BRINP1: variants seen among roughly 807,000 people sequenced by gnomAD.
The protein encoded by BRINP1 is BMP/retinoic acid-inducible neural-specific protein 1.
BRINP1 carries 17 observed loss-of-function variants against 72.9 expected under a neutral mutation model. The ratio of observed to expected loss-of-function variants is 0.23; its 90% CI spans 0.16 to 0.35. The LOEUF (loss-of-function observed/expected upper bound fraction) is 0.35, where lower values mean the gene tolerates loss of function less well. Ranked by LOEUF, BRINP1 falls within the 10% of genes least tolerant of loss-of-function variation. The probability of loss-of-function intolerance (pLI) is 1.00; values close to 1 mark genes in which losing one functional copy is unlikely to be tolerated. For synonymous variants in BRINP1, 418 were observed against 378.5 expected, an observed-to-expected ratio of 1.10 and a Z score of -1.21; for missense variants, 850 against 1,001.6, an observed-to-expected ratio of 0.85 and a Z score of 2.04.
intron 1 of BRINP1, among the ~76,000 whole-genome samples, chr9:119,366,251 G>A (rs1216606863): frequency 2.6e-5 from 4 of 151,988 alleles, no homozygotes; most frequent in Non-Finnish European, 1.5e-5. Context: ...AATGTCTAGG[G>A]GTGAGATTCT....
intron 7 of BRINP1, among the ~76,000 whole-genome samples, chr9:119,170,068 G>A (rs1829384490): frequency 6.6e-6 from 1 of 152,196 alleles, no homozygotes; most frequent in South Asian, 2.1e-4. Flanking sequence ...CTAAAAAGCA[G>A]AGCGCCTCTC....
At chr9:119,354,940 T>C (rs984873860) in intron 1 of BRINP1, among the ~76,000 whole-genome samples, 3 of 152,298 alleles carry the variant, frequency 2.0e-5, no homozygotes, top group African/African-American at 7.2e-5. Flanking sequence ...CAGGCCAAGA[T>C]TGAGCAAAAC....
intron 2 of BRINP1, among the ~76,000 whole-genome samples, chr9:119,255,971 A>G (rs1009837041): frequency 6.6e-6 from 1 of 150,948 alleles, no homozygotes; most frequent in Admixed American, 6.6e-5. Flanking sequence ...AAAAAAAAAA[A>G]AAAAAAAAAA....
chr9:119,234,695 G>A lies in BRINP1; in HGVS notation c.685+3960C>T, dbSNP rs545186673. Reference sequence around the variant, plus strand: ...TTTTTGCATCCTACTGAATAAAAATGAGCTCACTCAAAAATCATGAGATAA... The same window carrying A: ...TTTTTGCATCCTACTGAATAAAAATAAGCTCACTCAAAAATCATGAGATAA... On this transcript the variant is annotated intron_variant, in intron 5 of 7. Coordinates refer to ENST00000265922, the MANE Select transcript of BRINP1 (RefSeq NM_014618.3). 2.6e-5 allele frequency among the ~76,000 whole-genome samples: 4 copies of A among 151,886 alleles called. No individual in the cohort carries two copies. In the East Asian group the frequency reaches 7.7e-4, roughly 29 times the overall value.
chr9:119,325,195 T>C (rs1831227704), intron 1 of BRINP1, among the ~76,000 whole-genome samples: 1 of 152,162 alleles, frequency 6.6e-6, no homozygotes, highest in Admixed American at 6.5e-5. Flanking sequence ...GTGTTCATTA[T>C]AATTTGTATA....
chr9:119,240,539 G>A (rs1452184483), intron 4 of BRINP1, among the ~76,000 whole-genome samples: 2 of 152,146 alleles, frequency 1.3e-5, no homozygotes, highest in African/African-American at 4.8e-5. Flanking sequence ...ATCCCATCCA[G>A]CGAGGAGAGA....
At chr9:119,305,508 T>C (rs915182031) in intron 2 of BRINP1, among the ~76,000 whole-genome samples, 5 of 152,218 alleles carry the variant, frequency 3.3e-5, no homozygotes, top group African/African-American at 4.8e-5. Context: ...TGAAGACGTA[T>C]AGTTCCAGGC....
chr9:119,311,545 A>G (rs906386516), intron 2 of BRINP1, among the ~76,000 whole-genome samples: 1 of 152,168 alleles, frequency 6.6e-6, no homozygotes, highest in African/African-American at 2.4e-5. Flanking sequence ...ACTTTAATCA[A>G]TCCTTAGGTT....
At chr9:119,230,371 A>G (rs893008648) in intron 5 of BRINP1, among the ~76,000 whole-genome samples, 1 of 152,054 alleles carries the variant, frequency 6.6e-6, no homozygotes, top group Non-Finnish European at 1.5e-5. Context: ...GGCTTTAAGA[A>G]GATCACGCTG....
At chr9:119,198,748 T>G (rs1402894174) in intron 7 of BRINP1, among the ~76,000 whole-genome samples, 1 of 151,860 alleles carries the variant, frequency 6.6e-6, no homozygotes, top group East Asian at 1.9e-4. Flanking sequence ...CTTGGCTCAC[T>G]GCAATCTCCG....
chr9:119,256,224 A>G (rs563667103), intron 2 of BRINP1, among the ~76,000 whole-genome samples: 2 of 152,200 alleles, frequency 1.3e-5, no homozygotes, highest in Non-Finnish European at 2.9e-5. Flanking sequence ...TTAAACCATG[A>G]AAGCATCAAT....
chr9:119,313,184 C>T lies in BRINP1; in HGVS notation c.172G>A (p.Val58Met), dbSNP rs370723630. 1.5e-4 allele frequency: 247 copies of T among 1,614,126 alleles called. 2 individuals are homozygous for T. The Middle Eastern group carries it at 2.5e-3, about 16-fold the overall frequency. Residue 58 changes from valine to methionine, a missense_variant, in exon 2 of 8, where the codon GTG (valine) becomes ATG (methionine). Val to Met is a conservative substitution (Grantham distance 21). Coordinates refer to ENST00000265922, the MANE Select transcript of BRINP1 (RefSeq NM_014618.3). ...FHHSRSYLSF[V>M]ERHRQGFTTR... ...GTAAATCCTTGACGGTGTCTTTCCACAAAGGATAGGTAGCTCCTGGAGTGG... is the reference window on the plus strand; with the variant it reads ...GTAAATCCTTGACGGTGTCTTTCCATAAAGGATAGGTAGCTCCTGGAGTGG...
chr9:119,277,731 T>G (rs1830670995), intron 2 of BRINP1, among the ~76,000 whole-genome samples: 1 of 152,120 alleles, frequency 6.6e-6, no homozygotes, highest in Non-Finnish European at 1.5e-5. Context: ...ACAAAATATG[T>G]CATAACATTT....
In BRINP1 at chr9:119,181,292, C is replaced by G. The variant is rs563853442; in HGVS notation, c.1146-13068G>C. Among the ~76,000 whole-genome samples, 234 of 152,142 alleles carry G rather than the reference C, an allele frequency of 1.5e-3. 4 individuals are homozygous for G. Among genetic ancestry groups the G allele is most frequent in the Admixed American group, 0.015 (230 of 15,284 alleles). On this transcript the variant is annotated intron_variant, in intron 7 of 7. Coordinates refer to ENST00000265922, the MANE Select transcript of BRINP1 (RefSeq NM_014618.3). ...TACCCAGGGTCTAGTGGGCCTTAAC[C>G]CTGAAGTACAATAATGGTCATCTAG...
chr9:119,196,976 T>C (rs960594029), intron 7 of BRINP1, among the ~76,000 whole-genome samples: 23 of 152,244 alleles, frequency 1.5e-4, no homozygotes, highest in African/African-American at 5.3e-4. Context: ...CTCACTTCAG[T>C]GCAGCAAAGG....
At chr9:119,357,380 T>C (rs1359422205) in intron 1 of BRINP1, among the ~76,000 whole-genome samples, 1 of 152,226 alleles carries the variant, frequency 6.6e-6, no homozygotes, top group Non-Finnish European at 1.5e-5. Context: ...AAAGTGTTAC[T>C]GTTATGACTG....
intron 2 of BRINP1, among the ~76,000 whole-genome samples, chr9:119,263,698 C>T (rs1334053160): frequency 6.7e-6 from 1 of 150,036 alleles, no homozygotes; most frequent in Non-Finnish European, 1.5e-5. Context: ...AACTCCGCCT[C>T]CTGGGTTCAC....
chr9:119,315,586 A>C (rs894527197), intron 1 of BRINP1, among the ~76,000 whole-genome samples: 3 of 152,166 alleles, frequency 2.0e-5, no homozygotes, highest in African/African-American at 7.2e-5. Flanking sequence ...TAATTGTTTA[A>C]GTGAAAGGAG....
At chr9:119,361,578 T>C (rs538333453) in intron 1 of BRINP1, among the ~76,000 whole-genome samples, 1 of 152,228 alleles carries the variant, frequency 6.6e-6, no homozygotes, top group African/African-American at 2.4e-5. Flanking sequence ...TGTCTCTCTC[T>C]GCTTTTACAA....
Sources: allele counts gnomAD v4.1 joint callset (sites outside exome capture counted in the v4.1 genomes callset), GRCh38; gene constraint gnomAD v4.1.1; transcripts MANE v1.5; gene names NCBI Gene and HGNC (gene_info 2026-07-23, HGNC 2026-07-21).